The following ARID5B variants were observed in gnomAD, a reference collection of about 807,000 sequenced individuals.
ARID5B encodes the protein AT-rich interactive domain-containing protein 5B.
ARID5B carries 13 observed loss-of-function variants against 97.2 expected under a neutral mutation model. The ratio of observed to expected loss-of-function variants is 0.13; its 90% CI spans 0.09 to 0.21. ARID5B has a LOEUF of 0.21. Ranked by LOEUF, ARID5B falls within the 10% of genes least tolerant of loss-of-function variation. The probability of loss-of-function intolerance (pLI) is 1.00; values close to 1 mark genes in which losing one functional copy is unlikely to be tolerated. For synonymous variants in ARID5B, 556 were observed against 570.3 expected, an observed-to-expected ratio of 0.97 and a Z score of 0.36; for missense variants, 1,210 against 1,465.3, an observed-to-expected ratio of 0.83 and a Z score of 2.84.
intron 2 of ARID5B, among the ~76,000 whole-genome samples, chr10:61,916,377 C>A (rs977499062): frequency 6.6e-6 from 1 of 152,180 alleles, no homozygotes; most frequent in African/African-American, 2.4e-5. Context: ...TGGGTGGTTG[C>A]AGCAGAGACT....
intron 4 of ARID5B, among the ~76,000 whole-genome samples, chr10:62,041,500 G>A (rs1190518721): frequency 6.6e-6 from 1 of 152,168 alleles, no homozygotes; most frequent in African/African-American, 2.4e-5. Context: ...TGAGTGAAAA[G>A]CCCCCTTTCT....
intron 9 of ARID5B, among the ~76,000 whole-genome samples, chr10:62,090,140 C>T (rs1313606361): frequency 1.3e-5 from 2 of 152,196 alleles, no homozygotes; most frequent in Non-Finnish European, 2.9e-5. Context: ...TGCGGTGGCA[C>T]TGACTGTCTG....
intron 3 of ARID5B, among the ~76,000 whole-genome samples, chr10:61,963,924 G>T (rs1838509004): frequency 6.6e-6 from 1 of 152,132 alleles, no homozygotes; most frequent in Non-Finnish European, 1.5e-5. Flanking sequence ...CACAGAGACA[G>T]ATGTGCCTGG....
chr10:61,944,502 T>A (rs1286414610), intron 3 of ARID5B, among the ~76,000 whole-genome samples: 1 of 152,190 alleles, frequency 6.6e-6, no homozygotes, highest in African/African-American at 2.4e-5. Context: ...TTTTATTCCT[T>A]GGGCTATAGT....
intron 4 of ARID5B, among the ~76,000 whole-genome samples, chr10:62,047,779 ACT>A (rs1839730453): frequency 6.6e-6 from 1 of 152,112 alleles, no homozygotes; most frequent in African/African-American, 2.4e-5. Context: ...ACAGATTATG[ACT>A]CTAGAGGGAC....
chr10:61,977,308 C>T (rs2132840996), intron 3 of ARID5B, among the ~76,000 whole-genome samples: 1 of 152,300 alleles, frequency 6.6e-6, no homozygotes, highest in South Asian at 2.1e-4. Context: ...AATAGTGCTG[C>T]AATAAACATA....
chr10:62,078,300 G>A (rs1840164456), intron 8 of ARID5B, among the ~76,000 whole-genome samples: 1 of 152,076 alleles, frequency 6.6e-6, no homozygotes, highest in Admixed American at 6.6e-5. Context: ...ACCACCCTGG[G>A]CAACATGGTG....
rs772172146 is a variant in ARID5B, at chr10:62,000,230, A to G, written c.642A>G (p.Ala214=). ...DQFALALGGI[A]VVSRNPQILY... The stretch of plus-strand genomic sequence containing the variant: ...TTGCATTGGCCCTGGGGGGCATTGC[A>G]GTGGTCAGCAGGAACCCTCAGATCC... Residue 214 remains alanine, a synonymous_variant, in exon 4 of 10, where the codon GCA becomes GCG. Coordinates refer to ENST00000279873, the MANE Select transcript of ARID5B (RefSeq NM_032199.3). The surrounding 1 kb of genome is among the most constrained non-coding windows in gnomAD (Gnocchi z 4.4). 5 of 1,613,872 alleles carry G rather than the reference A, an allele frequency of 3.1e-6. No individual in the cohort carries two copies. In the African/African-American group the frequency reaches 5.3e-5, roughly 17 times the overall value.
At chr10:61,935,800 A>G (rs1461115353) in intron 2 of ARID5B, among the ~76,000 whole-genome samples, 1 of 152,238 alleles carries the variant, frequency 6.6e-6, no homozygotes, top group Non-Finnish European at 1.5e-5. Context: ...AGTTAACCAT[A>G]TTTTCAAAAA....
At chr10:62,082,720 A>G (rs1251985044) in intron 8 of ARID5B, among the ~76,000 whole-genome samples, 3 of 152,192 alleles carry the variant, frequency 2.0e-5, no homozygotes, top group East Asian at 1.9e-4. Flanking sequence ...TCAGAAACCT[A>G]TAATAGCTTT....
chr10:61,904,149 A>C (rs962505552), intron 2 of ARID5B, among the ~76,000 whole-genome samples: 4 of 148,306 alleles, frequency 2.7e-5, no homozygotes, highest in Non-Finnish European at 5.9e-5. Flanking sequence ...TTACTTCAAC[A>C]TGGCCTGTGA....
intron 3 of ARID5B, among the ~76,000 whole-genome samples, chr10:61,972,486 C>T (rs1838643216): frequency 6.6e-6 from 1 of 152,134 alleles, no homozygotes; most frequent in Non-Finnish European, 1.5e-5. Flanking sequence ...GCCTCGGCCT[C>T]CCAAAGTGCT....
At chr10:62,027,284 CCTTTTTTTTTTTTT>C (rs1839433074) in intron 4 of ARID5B, among the ~76,000 whole-genome samples, 7 of 104,028 alleles carry the variant, frequency 6.7e-5, no homozygotes, top group African/African-American at 2.5e-4. Context: ...CACAGTATCT[CCTTTTTTTTTTTTT>C]TTTTTTTTTT....
chr10:62,041,701 T>G lies in ARID5B; in HGVS notation c.734-9187T>G, dbSNP rs531563312. 3.9e-5 allele frequency among the ~76,000 whole-genome samples: 6 copies of G among 152,350 alleles called. No homozygotes were observed. In the South Asian group the frequency reaches 1.2e-3, roughly 32 times the overall value. On this transcript the variant is annotated intron_variant, in intron 4 of 9. Transcript: ENST00000279873. ...AAAAACAAAAACAATCCATCTCTTTTACTTATTTCCAAGTGGGGAATGTTT... is the reference window on the plus strand; with the variant it reads ...AAAAACAAAAACAATCCATCTCTTTGACTTATTTCCAAGTGGGGAATGTTT...
chr10:61,916,312 C>A (rs1374647788), intron 2 of ARID5B, among the ~76,000 whole-genome samples: 1 of 152,170 alleles, frequency 6.6e-6, no homozygotes, highest in Admixed American at 6.5e-5. Context: ...TAGCACAGAG[C>A]CATGCCCACG....
chr10:62,030,709 G>A (rs1208406071), intron 4 of ARID5B, among the ~76,000 whole-genome samples: 2 of 152,162 alleles, frequency 1.3e-5, no homozygotes, highest in Admixed American at 6.5e-5. Context: ...AATGTCCTCA[G>A]TTTTAAACAA....
At chr10:61,997,705 C>T (rs1190878249) in intron 3 of ARID5B, among the ~76,000 whole-genome samples, 4 of 152,112 alleles carry the variant, frequency 2.6e-5, no homozygotes, top group Non-Finnish European at 1.5e-5. Context: ...TGGTTATATG[C>T]CTCTCTCTCA....
chr10:61,972,310 C>A (rs987448341), intron 3 of ARID5B, among the ~76,000 whole-genome samples: 1 of 150,202 alleles, frequency 6.7e-6, no homozygotes, highest in African/African-American at 2.5e-5. Flanking sequence ...TCACTGCAAC[C>A]TCCGCCTCCC....
chr10:61,980,208 A>C (rs1838758658), intron 3 of ARID5B, among the ~76,000 whole-genome samples: 1 of 152,196 alleles, frequency 6.6e-6, no homozygotes, highest in Admixed American at 6.5e-5. Context: ...GGGGCTCAGG[A>C]GGGCAAAGTG....
Sources: gnomAD v4.1 joint callset for allele counts (sites outside exome capture counted in the v4.1 genomes callset) on GRCh38, gnomAD v4.1.1 for gene constraint, Gnocchi (gnomAD v3.1) non-coding constraint, MANE v1.5 for transcripts, NCBI Gene and HGNC (gene_info 2026-07-23, HGNC 2026-07-21) for gene names.